Variants in ZNF385D observed in about 807,000 individuals in gnomAD.
The protein encoded by ZNF385D is zinc finger protein 385D.
ZNF385D carries 15 observed loss-of-function variants against 35.8 expected under a neutral mutation model. The observed-to-expected ratio is 0.42, with a 90% CI of 0.28 to 0.64. The LOEUF (loss-of-function observed/expected upper bound fraction) is 0.64, where lower values mean the gene tolerates loss of function less well. Ranked by LOEUF, ZNF385D falls within the 30% of genes least tolerant of loss-of-function variation. The pLI, the probability that ZNF385D is intolerant of heterozygous loss-of-function variation, is 0.23. For missense variants in ZNF385D, 474 were observed against 494.6 expected (o/e 0.96, Z 0.39); for synonymous variants, 212 against 186.8 (o/e 1.13, Z -1.10).
At chr3:22,338,698 A>ATTTTTT (rs562729331) in intron 2 of ZNF385D, among the ~76,000 whole-genome samples, 6 of 125,414 alleles carry the variant, frequency 4.8e-5, no homozygotes, top group African/African-American at 1.6e-4. Context: ...TATTCATCTC[A>ATTTTTT]TTTTTTTTTT....
intron 3 of ZNF385D, among the ~76,000 whole-genome samples, chr3:21,983,478 T>G (rs1694626865): frequency 8.0e-6 from 1 of 124,700 alleles, no homozygotes; most frequent in Non-Finnish European, 1.7e-5. Flanking sequence ...TCCATGTCCC[T>G]ACAAAGGACA....
intron 3 of ZNF385D, among the ~76,000 whole-genome samples, chr3:21,996,124 A>C (rs985598496): frequency 6.6e-6 from 1 of 152,092 alleles, no homozygotes; most frequent in Non-Finnish European, 1.5e-5. Flanking sequence ...GCTGTGCTAT[A>C]GCTGCTTGGG....
intron 3 of ZNF385D, among the ~76,000 whole-genome samples, chr3:22,038,048 C>A (rs1698446709): frequency 6.6e-6 from 1 of 152,018 alleles, no homozygotes; most frequent in East Asian, 1.9e-4. Flanking sequence ...AAACTGGATC[C>A]CTTCCTTACA....
chr3:21,584,467 T>C (rs1007738437), intron 2 of ZNF385D, among the ~76,000 whole-genome samples: 5 of 152,174 alleles, frequency 3.3e-5, no homozygotes, highest in Admixed American at 1.3e-4. Flanking sequence ...AGACTTCTTT[T>C]TTACACTTGA....
At chr3:21,975,507 A>C (rs1389466693) in intron 3 of ZNF385D, among the ~76,000 whole-genome samples, 1 of 152,144 alleles carries the variant, frequency 6.6e-6, no homozygotes, top group Non-Finnish European at 1.5e-5. Flanking sequence ...GACTACACTC[A>C]ATAACGATTT....
At chr3:21,710,545 C>T (rs1409291302) in intron 1 of ZNF385D, among the ~76,000 whole-genome samples, 1 of 152,162 alleles carries the variant, frequency 6.6e-6, no homozygotes, top group African/African-American at 2.4e-5. Flanking sequence ...GTGAGCAGTG[C>T]CCAATCTGTA....
intron 3 of ZNF385D, among the ~76,000 whole-genome samples, chr3:22,080,663 C>G (rs1027964009): frequency 6.6e-6 from 1 of 151,972 alleles, no homozygotes. Context: ...ATAAATATCG[C>G]TATATTCTGA....
At chr3:22,320,984 G>A (rs1441746008) in intron 2 of ZNF385D, among the ~76,000 whole-genome samples, 4 of 151,840 alleles carry the variant, frequency 2.6e-5, no homozygotes, top group African/African-American at 9.7e-5. Context: ...ATGAAAGCAG[G>A]AAAAACAAAT....
intron 3 of ZNF385D, among the ~76,000 whole-genome samples, chr3:21,899,034 C>T (rs890378453): frequency 3.9e-5 from 6 of 152,074 alleles, no homozygotes; most frequent in Non-Finnish European, 7.4e-5. Flanking sequence ...GAGTTATTCC[C>T]TCAGACAATA....
chr3:21,559,050 A>T (rs2062845056), intron 3 of ZNF385D, among the ~76,000 whole-genome samples: 1 of 127,178 alleles, frequency 7.9e-6, no homozygotes. Flanking sequence ...CTTTATTTTG[A>T]GCTTATGCGT....
intron 3 of ZNF385D, among the ~76,000 whole-genome samples, chr3:21,899,977 G>A (rs1259193061): frequency 6.6e-6 from 1 of 152,068 alleles, no homozygotes; most frequent in Non-Finnish European, 1.5e-5. Flanking sequence ...CAGGTGACAC[G>A]GTTTAAGTTA....
chr3:21,994,942 G>C (rs1441547866), intron 3 of ZNF385D, among the ~76,000 whole-genome samples: 1 of 152,212 alleles, frequency 6.6e-6, no homozygotes. Context: ...AGTGGGCTGG[G>C]TGTGTAAACA....
intron 2 of ZNF385D, among the ~76,000 whole-genome samples, chr3:22,318,552 G>A (rs1223483712): frequency 6.6e-6 from 1 of 152,136 alleles, no homozygotes; most frequent in African/African-American, 2.4e-5. Context: ...GAGCCAAGAT[G>A]AATTAGCGCT....
chr3:22,291,094 AG>A (rs1324412913), intron 2 of ZNF385D, among the ~76,000 whole-genome samples: 1 of 152,132 alleles, frequency 6.6e-6, no homozygotes, highest in African/African-American at 2.4e-5. Flanking sequence ...CTGGGGATTA[AG>A]GCTTCATCAT....
intron 2 of ZNF385D, among the ~76,000 whole-genome samples, chr3:22,331,020 G>T (rs1694910863): frequency 6.6e-6 from 1 of 152,148 alleles, no homozygotes; most frequent in African/African-American, 2.4e-5. Flanking sequence ...GTATATGTGT[G>T]TACATATATA....
At chr3:21,881,466 C>T (rs780788530) in intron 3 of ZNF385D, among the ~76,000 whole-genome samples, 10 of 151,894 alleles carry the variant, frequency 6.6e-5, no homozygotes, top group Non-Finnish European at 1.3e-4. Flanking sequence ...TATTTTAAGT[C>T]CACTGTTGAA....
At chr3:21,582,959 G>T (rs62236136) in intron 2 of ZNF385D, among the ~76,000 whole-genome samples, 1 of 151,856 alleles carries the variant, frequency 6.6e-6, no homozygotes, top group Non-Finnish European at 1.5e-5. Context: ...TGTATTTTTA[G>T]TAGAGACCGT....
intron 3 of ZNF385D, among the ~76,000 whole-genome samples, chr3:22,016,668 C>T (rs1450995723): frequency 6.6e-6 from 1 of 152,000 alleles, no homozygotes; most frequent in Non-Finnish European, 1.5e-5. Flanking sequence ...TCTTAGCTCA[C>T]AGTGGCCTGA....
rs535192309 is a variant in ZNF385D at position 22,153,160 on chromosome 3, A to C, written c.325+15657T>G. Among the ~76,000 whole-genome samples the C allele has an allele frequency of 9.2e-5, 14 of 152,150 alleles. 1 individual carries two copies. In the South Asian group the frequency reaches 2.5e-3, roughly 27 times the overall value. On this transcript the variant is annotated intron_variant, in intron 3 of 5. Transcript: ENST00000494108. ...TGCTGTACAAATCTGTGACTGGTGA[A>C]CTCATATTCAGTTTTCTTGCTTTGG...
Sources: gnomAD v4.1 joint callset for allele counts (sites outside exome capture counted in the v4.1 genomes callset) on GRCh38, gnomAD v4.1.1 for gene constraint, MANE v1.5 for transcripts, NCBI Gene and HGNC (gene_info 2026-07-23, HGNC 2026-07-21) for gene names.